Variants in SLC35F2 observed in about 807,000 individuals in gnomAD.
The protein encoded by SLC35F2 is queuine/queuosine transporter SLC35F2.
In SLC35F2, 25 loss-of-function variants were observed where a neutral mutation model predicts 38.1. The observed-to-expected ratio is 0.66, with a 90% CI of 0.48 to 0.92. The LOEUF is 0.92. Among genes scored for constraint, SLC35F2 ranks in the 40% least tolerant of loss-of-function variants. The pLI is 0.00. For missense variants in SLC35F2, 409 were observed against 452.9 expected (o/e 0.90, Z 0.88); for synonymous variants, 173 against 181.7 (o/e 0.95, Z 0.38).
intron 1 of SLC35F2, among the ~76,000 whole-genome samples, chr11:107,846,862 G>A (rs1269872913): frequency 2.0e-5 from 3 of 151,034 alleles, no homozygotes; most frequent in East Asian, 3.9e-4. Context: ...CCCGGGAGGC[G>A]GAGGCTGCAG....
intron 1 of SLC35F2, among the ~76,000 whole-genome samples, chr11:107,820,098 A>G (rs1010631039): frequency 6.6e-6 from 1 of 151,914 alleles, no homozygotes; most frequent in Admixed American, 6.6e-5. Flanking sequence ...TCTACTAAAA[A>G]TACAAAATTT....
chr11:107,820,694 G>A lies in SLC35F2; in HGVS notation c.111-4729C>T, dbSNP rs1012840700. On this transcript the variant is annotated intron_variant, in intron 1 of 7. Coordinates refer to ENST00000525815, the MANE Select transcript of SLC35F2 (RefSeq NM_017515.5). ...CTTCAGGCTGGGCGCAGTGGCTCACGCCTGTAATCCCACCACTTTGCAAGG... is the reference window on the plus strand; with the variant it reads ...CTTCAGGCTGGGCGCAGTGGCTCACACCTGTAATCCCACCACTTTGCAAGG... 3.1e-4 allele frequency among the ~76,000 whole-genome samples: 47 copies of A among 152,092 alleles called. 1 individual carries two copies. Among genetic ancestry groups the A allele is most frequent in the Non-Finnish European group, 8.8e-5 (6 of 68,012 alleles).
chr11:107,831,538 T>C (rs975551504), intron 1 of SLC35F2, among the ~76,000 whole-genome samples: 3 of 152,178 alleles, frequency 2.0e-5, no homozygotes, highest in African/African-American at 7.2e-5. Flanking sequence ...AAGACAATCT[T>C]ATCTGGTTGC....
chr11:107,853,265 T>C (rs1860217599), intron 1 of SLC35F2, among the ~76,000 whole-genome samples: 1 of 152,168 alleles, frequency 6.6e-6, no homozygotes, highest in East Asian at 1.9e-4. Flanking sequence ...TTTTGTGCCA[T>C]TGCTGAACCT....
At chr11:107,822,394 A>G (rs1963626) in intron 1 of SLC35F2, among the ~76,000 whole-genome samples, 34,387 of 152,158 alleles carry the variant, frequency 0.23, 7,096 homozygotes, top group African/African-American at 0.55. Flanking sequence ...TTTTATTTAC[A>G]TCTTCAGTCA....
intron 7 of SLC35F2, among the ~76,000 whole-genome samples, chr11:107,794,950 TAC>T (rs1168142358): frequency 6.6e-6 from 1 of 152,186 alleles, no homozygotes; most frequent in African/African-American, 2.4e-5. Flanking sequence ...CAATCCCATT[TAC>T]AACAGCTACA....
chr11:107,810,122 C>A, intron 3 of SLC35F2: 7 of 985,448 alleles, frequency 7.1e-6, no homozygotes, highest in Non-Finnish European at 8.4e-6. Context: ...AGTTGGAGAA[C>A]CAGCTTGAAT....
At chr11:107,805,657 AGTGTGTGTGTGTGTAT>A in intron 4 of SLC35F2, 142 bp from the exon 5 acceptor site, 1 of 1,435,786 alleles carries the variant, frequency 7.0e-7, no homozygotes, top group Non-Finnish European at 9.1e-7. Context: ...TATGTGTGAG[AGTGTGTGTGTGTGTAT>A]GTGTGTGTGT....
intron 1 of SLC35F2, among the ~76,000 whole-genome samples, chr11:107,837,890 T>A (rs1859956329): frequency 6.6e-6 from 1 of 151,966 alleles, no homozygotes; most frequent in African/African-American, 2.4e-5. Context: ...GTGTTATGGA[T>A]TTTTTGCCAC....
intron 1 of SLC35F2, among the ~76,000 whole-genome samples, chr11:107,837,781 A>G (rs999987218): frequency 3.3e-5 from 5 of 152,104 alleles, no homozygotes; most frequent in African/African-American, 1.2e-4. Flanking sequence ...CTAAATTCCT[A>G]TGACATTTTG....
rs1859125790 is a variant in SLC35F2, at chr11:107,791,242, G to A, written c.*1373C>T. On this transcript the variant is annotated 3_prime_UTR_variant, in exon 8 of 8. Coordinates refer to ENST00000525815, the MANE Select transcript of SLC35F2 (RefSeq NM_017515.5). ...CTGGAGGCTCCCAGGCATACTCTTTGGTGAGAAATGATTAATTTTATATTT... is the reference window on the plus strand; with the variant it reads ...CTGGAGGCTCCCAGGCATACTCTTTAGTGAGAAATGATTAATTTTATATTT... 6.6e-6 allele frequency: 1 copy of A among 152,476 alleles called. No individual in the cohort carries two copies. The highest frequency in any genetic ancestry group is 2.1e-4 in the South Asian group (1 of 4,830). The allele number at this position is 152,476 out of a possible 1,614,324, so 9.4% of individuals were successfully genotyped here.
intron 3 of SLC35F2, among the ~76,000 whole-genome samples, chr11:107,809,121 G>A (rs989993207): frequency 1.3e-5 from 2 of 151,916 alleles, no homozygotes; most frequent in Non-Finnish European, 2.9e-5. Context: ...GTTTCCCTCC[G>A]ACTCTAACAT....
At chr11:107,855,892 C>T (rs1860270945) in intron 1 of SLC35F2, among the ~76,000 whole-genome samples, 1 of 151,306 alleles carries the variant, frequency 6.6e-6, no homozygotes, top group African/African-American at 2.4e-5. Context: ...GTAGATGGAT[C>T]ACCTGAGGTC....
At chr11:107,831,283 A>T (rs1169731997) in intron 1 of SLC35F2, among the ~76,000 whole-genome samples, 1 of 152,232 alleles carries the variant, frequency 6.6e-6, no homozygotes, top group Non-Finnish European at 1.5e-5. Context: ...AAAGTGTAAA[A>T]TAAGTTGCAA....
chr11:107,809,867 C>T (rs2134782987), intron 3 of SLC35F2: 2 of 985,282 alleles, frequency 2.0e-6, no homozygotes, highest in Middle Eastern at 5.2e-4. Context: ...AAAAGGACTG[C>T]ATTCTAGGAA....
At chr11:107,795,215 A>G (rs1859199306) in intron 7 of SLC35F2, among the ~76,000 whole-genome samples, 1 of 152,216 alleles carries the variant, frequency 6.6e-6, no homozygotes. Flanking sequence ...TGGAACCACA[A>G]AAGGGCCCAA....
chr11:107,812,678 T>C (rs1048617143), intron 2 of SLC35F2, among the ~76,000 whole-genome samples: 4 of 152,158 alleles, frequency 2.6e-5, no homozygotes, highest in Admixed American at 2.0e-4. Flanking sequence ...TGCTGGAACT[T>C]AAAAAAATAA....
intron 2 of SLC35F2, 91 bp downstream of exon 2, chr11:107,815,699 C>T: frequency 7.1e-7 from 1 of 1,403,944 alleles, no homozygotes. Context: ...TCTCCAGTCA[C>T]TACTTTCACA....
At position 107,842,257 on chromosome 11, in the gene SLC35F2, C is replaced by CAAAA. The variant is rs541185009; in HGVS notation, c.110+16397_110+16400dup. ...GGCGACAGAGTGAGACTCCGTCTCA[C>CAAAA]AAAAAAAAAAAAAAAAAAAAAAAAA... is the stretch of plus-strand genomic sequence containing the variant. On this transcript the variant is annotated intron_variant, in intron 1 of 7. Transcript: ENST00000525815. Among the ~76,000 whole-genome samples, 185 of 37,898 alleles carry CAAAA rather than the reference C, an allele frequency of 4.9e-3. 51 individuals carry two copies. Among genetic ancestry groups the CAAAA allele is most frequent in the Middle Eastern group, 0.042 (1 of 24 alleles). The allele number at this position is 37,898 out of a possible 152,430, so 24.9% of individuals were successfully genotyped here.
Sources: gnomAD v4.1 joint callset for allele counts (sites outside exome capture counted in the v4.1 genomes callset) on GRCh38, gnomAD v4.1.1 for gene constraint, MANE v1.5 for transcripts, NCBI Gene and HGNC (gene_info 2026-07-23, HGNC 2026-07-21) for gene names.